MAP3K4: variants seen among roughly 807,000 people sequenced by gnomAD.
MAP3K4 encodes the protein MAP three kinase 1.
In MAP3K4, 67 loss-of-function variants were observed where a neutral mutation model predicts 185.6. The observed-to-expected ratio is 0.36, with a 90% CI of 0.30 to 0.44. The LOEUF is 0.44. Ranked by LOEUF, MAP3K4 falls within the 20% of genes least tolerant of loss-of-function variation. The probability of loss-of-function intolerance (pLI) is 1.00; values close to 1 mark genes in which losing one functional copy is unlikely to be tolerated. For synonymous variants in MAP3K4, 702 were observed against 710.4 expected, an observed-to-expected ratio of 0.99 and a Z score of 0.19; for missense variants, 1,551 against 1,995.1, an observed-to-expected ratio of 0.78 and a Z score of 4.24.
chr6:161,087,601 C>T lies in MAP3K4; in HGVS notation c.2557-87C>T. 2.1e-6 allele frequency: 3 copies of T among 1,428,134 alleles called. No homozygotes were observed. The highest frequency in any genetic ancestry group is 2.9e-6 in the Non-Finnish European group (3 of 1,030,226). 88.5% of individuals were successfully genotyped at this position (1,428,134 alleles called of 1,614,324 possible). ...CCTTCCCACTTTCCCTTTCCCAAACCTGCCTCTCCTTTCCTAGGTTTGTTT... is the reference window on the plus strand; with the variant it reads ...CCTTCCCACTTTCCCTTTCCCAAACTTGCCTCTCCTTTCCTAGGTTTGTTT... On this transcript the variant is annotated intron_variant, in intron 9 of 26. Transcript: ENST00000392142. This position sits in a 1 kb window ranked among gnomAD's most constrained non-coding sequence, Gnocchi z 4.9.
chr6:161,099,707 C>G (rs979083294), intron 17 of MAP3K4, among the ~76,000 whole-genome samples: 2 of 152,196 alleles, frequency 1.3e-5, no homozygotes, highest in African/African-American at 4.8e-5. Context: ...CTGCTGTGTC[C>G]ATGTTCACAT....
Position 161,108,428 on chromosome 6 carries a change from A to G in MAP3K4, c.4120-315A>G, listed in dbSNP as rs1778202438. On this transcript the variant is annotated intron_variant, in intron 21 of 26. Coordinates refer to ENST00000392142, the MANE Select transcript of MAP3K4 (RefSeq NM_005922.4). The surrounding 1 kb of genome is among the most constrained non-coding windows in gnomAD (Gnocchi z 5.7). Reference sequence around the variant, plus strand: ...TGTGGAGACATCCGGTTTGACGTGGAAGGAGGAGAGGAGTGGAGAGGGGAG... The same window carrying G: ...TGTGGAGACATCCGGTTTGACGTGGGAGGAGGAGAGGAGTGGAGAGGGGAG... Among the ~76,000 whole-genome samples, 1 of 152,084 alleles carries G rather than the reference A, an allele frequency of 6.6e-6. No individual in the cohort carries two copies. The highest frequency in any genetic ancestry group is 6.5e-5 in the Admixed American group (1 of 15,278).
intron 1 of MAP3K4, among the ~76,000 whole-genome samples, chr6:161,024,069 C>T (rs1583125900): frequency 1.3e-5 from 2 of 152,130 alleles, no homozygotes; most frequent in African/African-American, 4.8e-5. Context: ...TGGGTTCAAG[C>T]GATTCTCTTG....
In MAP3K4 at chr6:161,047,478, G is replaced by A. The variant is rs114249845; in HGVS notation, c.344-1138G>A. 4.8e-3 allele frequency among the ~76,000 whole-genome samples: 726 copies of A among 152,042 alleles called. 8 individuals are homozygous for A. Among genetic ancestry groups the A allele is most frequent in the African/African-American group, 0.017 (708 of 41,446 alleles). On this transcript the variant is annotated intron_variant, in intron 2 of 26. Transcript: ENST00000392142. The stretch of plus-strand genomic sequence containing the variant: ...TATATCATCATTGATTATATATAAC[G>A]TTCTAATTTCAGAGATGTTAATGTA...
At chr6:161,004,305 A>G (rs916629250) in intron 1 of MAP3K4, among the ~76,000 whole-genome samples, 35 of 152,326 alleles carry the variant, frequency 2.3e-4, no homozygotes, top group African/African-American at 8.4e-4. Flanking sequence ...GGACTCTGAT[A>G]AATAGCAGTG....
chr6:161,102,456 T>A (rs1449645509), intron 18 of MAP3K4, among the ~76,000 whole-genome samples: 1 of 152,108 alleles, frequency 6.6e-6, no homozygotes, highest in East Asian at 1.9e-4. Flanking sequence ...CAGTATTCTG[T>A]TGTCTGTTAC....
In MAP3K4 at chr6:161,001,772, C is replaced by T. The variant is rs756783682; in HGVS notation, c.152+9689C>T. ...AATTTAGCCTCTCTCAGTCTGTTTCCGCATTTGAAAGGCAAAAATAATAAC... is the reference window on the plus strand; with the variant it reads ...AATTTAGCCTCTCTCAGTCTGTTTCTGCATTTGAAAGGCAAAAATAATAAC... On this transcript the variant is annotated intron_variant, in intron 1 of 26. Coordinates refer to ENST00000392142, the MANE Select transcript of MAP3K4 (RefSeq NM_005922.4). Among the ~76,000 whole-genome samples the T allele has an allele frequency of 2.0e-5, 3 of 152,172 alleles. No individual in the cohort carries two copies. In the East Asian group the frequency reaches 5.8e-4, roughly 29 times the overall value.
intron 7 of MAP3K4, among the ~76,000 whole-genome samples, chr6:161,085,327 C>T (rs1785655951): frequency 6.6e-6 from 1 of 152,130 alleles, no homozygotes; most frequent in Non-Finnish European, 1.5e-5. Context: ...TGCATTCCTT[C>T]TGTTGAACTT....
Position 161,053,336 on chromosome 6 carries a change from T to C in MAP3K4, c.1707+3357T>C, listed in dbSNP as rs781605911. ...CTCCCACCAGGCCCCACCCCCAACA[T>C]TGGGGATTACTATTCAACATAGGGT... On this transcript the variant is annotated intron_variant, in intron 3 of 26. Coordinates refer to ENST00000392142, the MANE Select transcript of MAP3K4 (RefSeq NM_005922.4). The surrounding 1 kb of genome is among the most constrained non-coding windows in gnomAD (Gnocchi z 4.2). 6.6e-5 allele frequency among the ~76,000 whole-genome samples: 10 copies of C among 152,116 alleles called. No individual in the cohort carries two copies. The highest frequency in any genetic ancestry group is 2.1e-4 in the South Asian group (1 of 4,822).
intron 1 of MAP3K4, among the ~76,000 whole-genome samples, chr6:161,024,227 C>T (rs897803639): frequency 1.3e-5 from 2 of 152,192 alleles, no homozygotes; most frequent in Admixed American, 1.3e-4. Context: ...CCTCTGCCTC[C>T]TAGAGTGTTG....
At chr6:161,025,349 C>T (rs1373678517) in intron 1 of MAP3K4, among the ~76,000 whole-genome samples, 4 of 152,144 alleles carry the variant, frequency 2.6e-5, no homozygotes, top group East Asian at 1.9e-4. Flanking sequence ...CTTTCTGTGC[C>T]GTCAAAGCAA....
At chr6:161,047,433 A>G (rs1418853064) in intron 2 of MAP3K4, among the ~76,000 whole-genome samples, 1 of 152,086 alleles carries the variant, frequency 6.6e-6, no homozygotes, top group Non-Finnish European at 1.5e-5. Flanking sequence ...ATATTGGCAA[A>G]TATGTCCCTA....
rs1781673371 is a variant in MAP3K4, at chr6:161,007,975, G to C, written c.152+15892G>C. Among the ~76,000 whole-genome samples, 1 of 152,112 alleles carries C rather than the reference G, an allele frequency of 6.6e-6. No homozygotes were observed. The highest frequency in any genetic ancestry group is 1.5e-5 in the Non-Finnish European group (1 of 68,010). ...TCAGTGAAGTATGGCCTTGACTCTTGCTTCTAATTAAACTTTTTATGTGAT... is the reference window on the plus strand; with the variant it reads ...TCAGTGAAGTATGGCCTTGACTCTTCCTTCTAATTAAACTTTTTATGTGAT... On this transcript the variant is annotated intron_variant, in intron 1 of 26. Transcript: ENST00000392142. The surrounding 1 kb of genome is among the most constrained non-coding windows in gnomAD (Gnocchi z 4.5).
In MAP3K4 at chr6:161,112,831, A is replaced by G; in HGVS notation, c.4626+57A>G. The G allele has an allele frequency of 6.1e-6, 7 of 1,142,064 alleles. No homozygotes were observed. The highest frequency in any genetic ancestry group is 8.5e-6 in the Non-Finnish European group (7 of 820,794). 70.7% of individuals were successfully genotyped at this position (1,142,064 alleles called of 1,614,324 possible). On this transcript the variant is annotated intron_variant, in intron 25 of 26. Transcript: ENST00000392142. This position sits in a 1 kb window ranked among gnomAD's most constrained non-coding sequence, Gnocchi z 5.1. ...CTTCAGAAGGGCACTGTGCATTAAC[A>G]GAACAGTAGTTATGGATTGATTATT...
chr6:161,065,665 A>G (rs9456620), intron 3 of MAP3K4, among the ~76,000 whole-genome samples: 32,658 of 152,170 alleles, frequency 0.21, 4,830 homozygotes, highest in African/African-American at 0.42. Flanking sequence ...TGGGCTGGGC[A>G]CGGTGGCTTA....
At position 161,074,016 on chromosome 6, in the gene MAP3K4, A is replaced by G. The variant is rs891154132; in HGVS notation, c.2097+404A>G. On this transcript the variant is annotated intron_variant, in intron 5 of 26. Coordinates refer to ENST00000392142, the MANE Select transcript of MAP3K4 (RefSeq NM_005922.4). This position sits in a 1 kb window ranked among gnomAD's most constrained non-coding sequence, Gnocchi z 5.0. ...GTTAGTGAACCGTCTGTCATCAGCC[A>G]TTTTTATAATACCTAGGATGTGCTA... Among the ~76,000 whole-genome samples the G allele has an allele frequency of 5.9e-5, 9 of 152,196 alleles. No homozygotes were observed. Among genetic ancestry groups the G allele is most frequent in the Non-Finnish European group, 1.2e-4 (8 of 68,028 alleles).
rs200809890 is a variant in MAP3K4, at chr6:161,098,476, G to A, written c.3674+49G>A. On this transcript the variant is annotated intron_variant, in intron 17 of 26. Transcript: ENST00000392142. The surrounding 1 kb of genome is among the most constrained non-coding windows in gnomAD (Gnocchi z 4.4). ...CGTACCCTCACCACCCCTTACATGC[G>A]CTTACACAGCAACCATAGTGTTAGG... The A allele has an allele frequency of 1.6e-5, 25 of 1,569,622 alleles. No individual in the cohort carries two copies. The highest frequency in any genetic ancestry group is 1.3e-4 in the South Asian group (11 of 85,614).
Position 161,048,909 on chromosome 6 carries a change from A to T in MAP3K4, c.637A>T (p.Thr213Ser). 1 of 1,614,152 alleles carries T rather than the reference A, an allele frequency of 6.2e-7. No individual in the cohort carries two copies. The highest frequency in any genetic ancestry group is 8.5e-7 in the Non-Finnish European group (1 of 1,180,020). The change falls in exon 3 of 27, where the codon ACT becomes TCT. Residue 213 changes from threonine to serine, a missense_variant. By Grantham distance (58) the Thr-to-Ser change is moderately conservative. This residue lies in a region of MAP3K4 where 69 missense variants were observed against 124.8 expected (regional missense o/e 0.55). Coordinates refer to ENST00000392142, the MANE Select transcript of MAP3K4 (RefSeq NM_005922.4). The surrounding 1 kb of genome is among the most constrained non-coding windows in gnomAD (Gnocchi z 4.7). ...PMPIARPARQTSRTDCPADRL... is the reference protein window; with the variant it reads ...PMPIARPARQSSRTDCPADRL... ...GCCTATAGCCAGACCTGCACGCCAG[A>T]CTTCTAGGACTGACTGTCCAGCAGA...
In MAP3K4 at chr6:161,108,661, G is replaced by A. The variant is rs1043854470; in HGVS notation, c.4120-82G>A. Reference sequence around the variant, plus strand: ...TCATGATTACATATATTTATGGGGTGCAAAATGATGTTTCAGTGTATGTGT... The same window carrying A: ...TCATGATTACATATATTTATGGGGTACAAAATGATGTTTCAGTGTATGTGT... On this transcript the variant is annotated intron_variant, in intron 21 of 26. Coordinates refer to ENST00000392142, the MANE Select transcript of MAP3K4 (RefSeq NM_005922.4). This position sits in a 1 kb window ranked among gnomAD's most constrained non-coding sequence, Gnocchi z 5.7. The A allele has an allele frequency of 1.6e-5, 13 of 794,796 alleles. No homozygotes were observed. Among genetic ancestry groups the A allele is most frequent in the South Asian group, 7.5e-5 (5 of 66,476 alleles). The allele number at this position is 794,796 out of a possible 1,614,324, so 49.2% of individuals were successfully genotyped here.
Sources: allele counts gnomAD v4.1 joint callset (sites outside exome capture counted in the v4.1 genomes callset), GRCh38; gene constraint gnomAD v4.1.1; regional missense constraint gnomAD v4.1.1; non-coding constraint Gnocchi (gnomAD v3.1); transcripts MANE v1.5; gene names NCBI Gene and HGNC (gene_info 2026-07-23, HGNC 2026-07-21).